FSD2: variants seen among roughly 807,000 people sequenced by gnomAD.
FSD2 encodes fibronectin type III and SPRY domain-containing protein 2.
A neutral mutation model predicts 80.4 loss-of-function variants in FSD2; 71 were observed. The ratio of observed to expected loss-of-function variants is 0.88; its 90% CI spans 0.73 to 1.08. The LOEUF (loss-of-function observed/expected upper bound fraction) is 1.08. FSD2 is among the 50% of genes least tolerant of loss of function. FSD2 has a pLI of 0.00. For missense variants in FSD2, 923 were observed against 913.8 expected, an observed-to-expected ratio of 1.01 and a Z score of -0.13; for synonymous variants, 361 against 329.5, an observed-to-expected ratio of 1.10 and a Z score of -1.03.
At chr15:82,790,572 G>GTGTGTGTGTGTT (rs1491403290) in intron 1 of FSD2, among the ~76,000 whole-genome samples, 1 of 126,924 alleles carries the variant, frequency 7.9e-6, no homozygotes, top group Admixed American at 8.0e-5. Context: ...GTGTGTTCGT[G>GTGTGTGTGTGTT]CGTGTGTGTG....
Position 82,765,995 on chromosome 15 carries a change from C to T in FSD2, c.1590G>A (p.Val530=), listed in dbSNP as rs767810220. 2.5e-6 allele frequency: 4 copies of T among 1,596,218 alleles called. No homozygotes were observed. Among genetic ancestry groups the T allele is most frequent in the Admixed American group, 3.5e-5 (2 of 57,482 alleles). The change falls in exon 10 of 13, where the codon GTG becomes GTA. Residue 530 remains valine, a synonymous_variant. Transcript: ENST00000334574. The part of the protein sequence containing the change: ...VVGIPTCESV[V]QLQPGRSYII... ...TGTAGCTCCGCCCCGGCTGCAGCTG[C>T]ACCACGGACTCGCAGGTCGGGATGC...
chr15:82,797,581 C>T (rs767130165), intron 1 of FSD2, among the ~76,000 whole-genome samples: 2 of 152,224 alleles, frequency 1.3e-5, no homozygotes, highest in South Asian at 2.1e-4. Flanking sequence ...GAGGCCGAGG[C>T]GGGCAGATCA....
chr15:82,801,429 C>T (rs1220808111), intron 1 of FSD2, among the ~76,000 whole-genome samples: 1 of 152,196 alleles, frequency 6.6e-6, no homozygotes, highest in Non-Finnish European at 1.5e-5. Flanking sequence ...CCAGCCTTCT[C>T]TGATGGTAGA....
intron 10 of FSD2, 30 bp from the exon 11 acceptor site, chr15:82,765,328 G>T: frequency 2.5e-6 from 4 of 1,612,058 alleles, no homozygotes; most frequent in Non-Finnish European, 2.5e-6. Context: ...CAGAAGACCC[G>T]CAGCCAATCA....
At chr15:82,802,429 C>A (rs1053020801) in intron 1 of FSD2, among the ~76,000 whole-genome samples, 8 of 152,336 alleles carry the variant, frequency 5.3e-5, no homozygotes, top group Middle Eastern at 3.4e-3. Context: ...TGATTCTCAA[C>A]AAAGTAATCA....
In FSD2 at chr15:82,765,254, T is replaced by G; in HGVS notation, c.1732A>C (p.Thr578Pro). The G allele has an allele frequency of 6.2e-7, 1 of 1,613,196 alleles. No individual in the cohort carries two copies. The highest frequency in any genetic ancestry group is 8.5e-7 in the Non-Finnish European group (1 of 1,179,602). The change falls in exon 11 of 13, where the codon ACC (threonine) becomes CCC (proline). Residue 578 changes from threonine (T) to proline (P), a missense_variant. Thr to Pro is a conservative substitution (Grantham distance 38). Coordinates refer to ENST00000334574, the MANE Select transcript of FSD2 (RefSeq NM_001007122.4). ...GCCGTAAGTCCGTCTTCAGAAATGG[T>G]CAGCCAGGGATGGCAAGTGTCCTTG... Reference protein sequence around the residue: ...LNKDTCHPWLTISEDGLTAVR... With the variant: ...LNKDTCHPWLPISEDGLTAVR...
intron 1 of FSD2, among the ~76,000 whole-genome samples, chr15:82,794,783 G>C (rs922386520): frequency 5.3e-5 from 8 of 149,572 alleles, no homozygotes; most frequent in African/African-American, 2.0e-4. Context: ...GGAGTTCAGC[G>C]GCGCGATCTC....
intron 12 of FSD2, among the ~76,000 whole-genome samples, chr15:82,761,654 CTTTTA>C (rs1317526394): frequency 2.7e-5 from 4 of 150,360 alleles, no homozygotes; most frequent in Admixed American, 1.3e-4. Context: ...TATTTTTATT[CTTTTA>C]TTTTATTTTA....
At position 82,778,817 on chromosome 15, in the gene FSD2, A is replaced by T; in HGVS notation, c.1060T>A (p.Leu354Met). ...SAQPEFEDQT[L>M]DFSDVEQLMG... The stretch of plus-strand genomic sequence containing the variant: ...AGCTGCTCCACATCAGAGAAATCCA[A>T]GGTCTGGTCTTCAAACTCAGGCTGT... The change falls in exon 6 of 13, where the codon TTG (leucine) becomes ATG (methionine). Residue 354 changes from leucine to methionine, a missense_variant. Physicochemically the swap from Leu to Met is conservative, Grantham distance 15. Coordinates refer to ENST00000334574, the MANE Select transcript of FSD2 (RefSeq NM_001007122.4). The T allele has an allele frequency of 6.2e-7, 1 of 1,613,886 alleles. No individual in the cohort carries two copies.
At chr15:82,798,730 A>G (rs569158479) in intron 1 of FSD2, among the ~76,000 whole-genome samples, 3 of 152,314 alleles carry the variant, frequency 2.0e-5, no homozygotes, top group African/African-American at 7.2e-5. Flanking sequence ...GAAGTCAACA[A>G]GTTCGTCGGC....
intron 2 of FSD2, 26 bp downstream of exon 2, chr15:82,786,726 G>C: frequency 1.2e-6 from 2 of 1,610,616 alleles, no homozygotes; most frequent in Non-Finnish European, 1.7e-6. Flanking sequence ...TATCAAGACA[G>C]AGAAGAACCA....
At chr15:82,804,047 G>C (rs1220023253) in intron 1 of FSD2, among the ~76,000 whole-genome samples, 1 of 152,122 alleles carries the variant, frequency 6.6e-6, no homozygotes, top group Non-Finnish European at 1.5e-5. Context: ...TGTTATTGTT[G>C]TTGTTCTTAC....
At chr15:82,765,086 G>A in intron 11 of FSD2, 80 bp downstream of exon 11, 2 of 1,449,764 alleles carry the variant, frequency 1.4e-6, no homozygotes, top group Non-Finnish European at 1.8e-6. Flanking sequence ...CTGCCTCCGT[G>A]CCATATTCGG....
chr15:82,789,683 AG>A (rs1365011466), intron 1 of FSD2, among the ~76,000 whole-genome samples: 2 of 152,200 alleles, frequency 1.3e-5, no homozygotes, highest in African/African-American at 4.8e-5. Flanking sequence ...TGCCCTCTGA[AG>A]TTCATTGCTG....
At position 82,769,027 on chromosome 15, in the gene FSD2, G is replaced by C. The variant is rs1317030963; in HGVS notation, c.1406C>G (p.Pro469Arg). The change falls in exon 9 of 13, where the codon CCT becomes CGT. Residue 469 changes from proline (P) to arginine (R), a missense_variant. Coordinates refer to ENST00000334574, the MANE Select transcript of FSD2 (RefSeq NM_001007122.4). Reference protein sequence around the residue: ...SSERAVYMTAPSPPIIKTKEI... With the variant: ...SSERAVYMTARSPPIIKTKEI... ...TTTGGTTTTAATAATGGGGGGAGAA[G>C]GTGCTAAATGTGGGAGAAAGGGAGA... 4.4e-6 allele frequency: 7 copies of C among 1,573,752 alleles called. No individual in the cohort carries two copies. The East Asian group carries it at 1.6e-4, about 36-fold the overall frequency.
chr15:82,779,007 A>G, intron 5 of FSD2, 120 bp from the exon 6 acceptor site: 4 of 1,206,288 alleles, frequency 3.3e-6, no homozygotes, highest in Non-Finnish European at 4.7e-6. Flanking sequence ...TCATTTAGTT[A>G]CAAACAGCTG....
At chr15:82,783,681 G>C (rs566493174) in intron 3 of FSD2, among the ~76,000 whole-genome samples, 13 of 152,270 alleles carry the variant, frequency 8.5e-5, no homozygotes, top group African/African-American at 2.9e-4. Context: ...CCTTAATGTG[G>C]AAATATTTTC....
At chr15:82,796,494 A>G (rs1226311522) in intron 1 of FSD2, 1 of 153,822 alleles carries the variant, frequency 6.5e-6, no homozygotes, top group Non-Finnish European at 1.5e-5. Flanking sequence ...AGTGGTCACC[A>G]GGCCTCATGA....
rs191942538 is a variant in FSD2 at position 82,797,450 on chromosome 15, A to G, written c.-79+8516T>C. On this transcript the variant is annotated intron_variant, in intron 1 of 12. Coordinates refer to ENST00000334574, the MANE Select transcript of FSD2 (RefSeq NM_001007122.4). ...ATGTAATTTTCATCAATGGATACACAAATAAACTTTTTTTAAAAAAGCTCC... is the reference window on the plus strand; with the variant it reads ...ATGTAATTTTCATCAATGGATACACGAATAAACTTTTTTTAAAAAAGCTCC... 1.1e-3 allele frequency among the ~76,000 whole-genome samples: 172 copies of G among 152,370 alleles called. No homozygotes were observed. In the Middle Eastern group the frequency reaches 0.014, roughly 12 times the overall value.
Sources: gnomAD v4.1 joint callset for allele counts (sites outside exome capture counted in the v4.1 genomes callset) on GRCh38, gnomAD v4.1.1 for gene constraint, MANE v1.5 for transcripts, NCBI Gene and HGNC (gene_info 2026-07-23, HGNC 2026-07-21) for gene names.